TIMM23: variants seen among roughly 807,000 people sequenced by gnomAD.
The protein encoded by TIMM23 is translocase of inner mitochondrial membrane 23.
TIMM23 carries 19 observed loss-of-function variants against 30.7 expected under a neutral mutation model. The ratio of observed to expected loss-of-function variants is 0.62; its 90% CI spans 0.43 to 0.91. TIMM23 has a LOEUF of 0.91. TIMM23 is among the 40% of genes least tolerant of loss of function. The pLI, the probability that TIMM23 is intolerant of heterozygous loss-of-function variation, is 0.00. For synonymous variants in TIMM23, 78 were observed against 98.5 expected (o/e 0.79, Z 1.23); for missense variants, 202 against 269.2 (o/e 0.75, Z 1.75).
intron 6 of TIMM23, among the ~76,000 whole-genome samples, chr10:45,999,003 G>T (rs1050841501): frequency 6.6e-6 from 1 of 151,636 alleles, no homozygotes; most frequent in African/African-American, 2.4e-5. Flanking sequence ...TGGCTAATTT[G>T]TGTATATTTA....
At chr10:45,979,604 G>C (rs1837783307) in intron 2 of TIMM23, among the ~76,000 whole-genome samples, 1 of 105,590 alleles carries the variant, frequency 9.5e-6, no homozygotes, top group African/African-American at 3.3e-5. Flanking sequence ...ACCATGCCTG[G>C]CCTTTTTTTT....
intron 6 of TIMM23, among the ~76,000 whole-genome samples, chr10:45,995,300 C>T (rs1224774109): frequency 1.1e-4 from 17 of 151,946 alleles, no homozygotes; most frequent in Non-Finnish European, 1.3e-4. Flanking sequence ...GCCTTTTCCT[C>T]TGTCTTAAGA....
chr10:45,972,504 G>T lies in TIMM23; in HGVS notation c.-121G>T, dbSNP rs61848837. 1.7e-5 allele frequency: 24 copies of T among 1,431,894 alleles called. No individual in the cohort carries two copies. The highest frequency in any genetic ancestry group is 1.2e-4 in the African/African-American group (8 of 69,514). 88.7% of individuals were successfully genotyped at this position (1,431,894 alleles called of 1,614,324 possible). ...GCTTAACGGGAACCGGCGCCCGGAAGGTCAGCGTGTGAAGTAGGCGCTGGC... is the reference window on the plus strand; with the variant it reads ...GCTTAACGGGAACCGGCGCCCGGAATGTCAGCGTGTGAAGTAGGCGCTGGC... On this transcript the variant is annotated 5_prime_UTR_variant, in exon 1 of 7. The change creates a new upstream start codon in the 5' untranslated region. Coordinates refer to ENST00000580018, the MANE Select transcript of TIMM23 (RefSeq NM_006327.4).
chr10:45,976,304 C>G (rs1437423657), intron 2 of TIMM23, among the ~76,000 whole-genome samples: 13 of 148,620 alleles, frequency 8.7e-5, no homozygotes, highest in African/African-American at 3.3e-4. Context: ...CCAACACCCC[C>G]TTTAATGATT....
In TIMM23 at chr10:46,003,161, A is replaced by T. The variant is rs782496363; in HGVS notation, c.515-42A>T. On this transcript the variant is annotated intron_variant, in intron 6 of 6. Transcript: ENST00000580018. ...ACCCTATCGTGCTAGGGCACTATGC[A>T]ATATACAGCTATTTCATTTTCCTTT... is the stretch of plus-strand genomic sequence containing the variant. 27 of 1,475,228 alleles carry T rather than the reference A, an allele frequency of 1.8e-5. No homozygotes were observed. In the South Asian group the frequency reaches 2.7e-4, roughly 15 times the overall value. The allele number at this position is 1,475,228 out of a possible 1,614,324, so 91.4% of individuals were successfully genotyped here. A position where few individuals can be genotyped will look rare whatever the true frequency, so the allele number is the denominator to read the frequency against.
intron 2 of TIMM23, among the ~76,000 whole-genome samples, chr10:45,981,880 G>A (rs1453706293): frequency 6.6e-6 from 1 of 152,150 alleles, no homozygotes; most frequent in Admixed American, 6.5e-5. Context: ...TTCAAAATTG[G>A]TAACCATATT....
intron 5 of TIMM23, among the ~76,000 whole-genome samples, chr10:45,987,448 A>C (rs1397668627): frequency 6.6e-6 from 1 of 152,042 alleles, no homozygotes; most frequent in Admixed American, 6.6e-5. Flanking sequence ...CCCACTTTGG[A>C]TACTTCTGAT....
intron 6 of TIMM23, among the ~76,000 whole-genome samples, chr10:45,993,225 G>A (rs1217944240): frequency 0.013 from 1,619 of 121,722 alleles, 21 homozygotes; most frequent in Non-Finnish European, 0.02. Context: ...ACGTTTGCCA[G>A]TGTGAGCATC....
At chr10:45,983,065 A>T in intron 4 of TIMM23, 135 bp downstream of exon 4, 1 of 1,287,426 alleles carries the variant, frequency 7.8e-7, no homozygotes, top group East Asian at 2.4e-5. Context: ...TTTTAATCTT[A>T]ATCAAAATAA....
intron 3 of TIMM23, 48 bp downstream of exon 3, chr10:45,982,664 G>A (rs1208301033): frequency 6.2e-7 from 1 of 1,609,326 alleles, no homozygotes; most frequent in Non-Finnish European, 8.5e-7. Flanking sequence ...TCAAGTAGTT[G>A]AGGGTGCGTA....
chr10:45,996,973 A>C (rs1249821396), intron 6 of TIMM23, among the ~76,000 whole-genome samples: 9 of 151,034 alleles, frequency 6.0e-5, no homozygotes, highest in African/African-American at 1.5e-4. Context: ...TCAAACAAAA[A>C]AAAAAAAAAA....
In TIMM23 at chr10:45,972,674, G is replaced by A. The variant is rs1380729003; in HGVS notation, c.50G>A (p.Gly17Asp). Reference protein sequence around the residue: ...SGNKTTGGLAGFFGAGGAGYS... With the variant: ...SGNKTTGGLADFFGAGGAGYS... ...AACAAAACCACAGGGGGATTGGCCG[G>A]CTTTTTCGGAGCCGGCGGAGCAGGT... The change falls in exon 1 of 7, where the codon GGC becomes GAC. Residue 17 changes from glycine to aspartate, a missense_variant. Physicochemically the swap from Gly to Asp is moderately conservative, Grantham distance 94. Coordinates refer to ENST00000580018, the MANE Select transcript of TIMM23 (RefSeq NM_006327.4). The A allele has an allele frequency of 6.2e-6, 10 of 1,613,906 alleles. No homozygotes were observed. The highest frequency in any genetic ancestry group is 2.7e-5 in the African/African-American group (2 of 74,948).
At chr10:45,991,700 G>A (rs782412511) in intron 6 of TIMM23, among the ~76,000 whole-genome samples, 6,772 of 151,588 alleles carry the variant, frequency 0.045, 212 homozygotes, top group East Asian at 0.1. Flanking sequence ...GCGGTGAGGC[G>A]AGATCACGCC....
chr10:45,998,230 C>T (rs1475841598), intron 6 of TIMM23: 2 of 274,020 alleles, frequency 7.3e-6, no homozygotes, highest in African/African-American at 4.6e-5. Context: ...TTAATCTGTG[C>T]TTTAAAGTCA....
intron 6 of TIMM23, among the ~76,000 whole-genome samples, chr10:45,989,084 C>A (rs1838081215): frequency 6.6e-6 from 1 of 152,152 alleles, no homozygotes; most frequent in Non-Finnish European, 1.5e-5. Flanking sequence ...TATAACCAAT[C>A]TCTGGAACTT....
chr10:45,986,729 A>G (rs1258744613), intron 5 of TIMM23, among the ~76,000 whole-genome samples: 1 of 152,110 alleles, frequency 6.6e-6, no homozygotes, highest in Admixed American at 6.5e-5. Flanking sequence ...TTAAAATGAA[A>G]TGGTGCTAGT....
intron 5 of TIMM23, among the ~76,000 whole-genome samples, chr10:45,986,767 CTT>C (rs1164625247): frequency 1.3e-4 from 20 of 149,758 alleles, no homozygotes; most frequent in African/African-American, 4.9e-5. Flanking sequence ...TCAAACCTCA[CTT>C]TTTTTTTAAT....
intron 6 of TIMM23, among the ~76,000 whole-genome samples, chr10:45,996,968 CAA>C (rs1172844294): frequency 9.8e-5 from 11 of 112,516 alleles, no homozygotes; most frequent in Non-Finnish European, 9.3e-5. Flanking sequence ...CTGTGTCAAA[CAA>C]AAAAAAAAAA....
At chr10:45,993,415 G>T (rs1280605113) in intron 6 of TIMM23, among the ~76,000 whole-genome samples, 1 of 151,762 alleles carries the variant, frequency 6.6e-6, no homozygotes, top group Non-Finnish European at 1.5e-5. Flanking sequence ...ACGATGCCTG[G>T]CTAATTTTGT....
Sources: gnomAD v4.1 joint callset for allele counts (sites outside exome capture counted in the v4.1 genomes callset) on GRCh38, gnomAD v4.1.1 for gene constraint, MANE v1.5 for transcripts, NCBI Gene and HGNC (gene_info 2026-07-23, HGNC 2026-07-21) for gene names.